Variants in CHUK observed in about 807,000 individuals in gnomAD.
CHUK encodes inhibitor of nuclear factor kappa-B kinase subunit alpha.
Under a neutral mutation model 104.8 loss-of-function variants are expected in CHUK, and 35 were observed. That is an observed-to-expected ratio of 0.33 (90% CI 0.26 to 0.44). CHUK has a LOEUF of 0.44. CHUK is among the 20% of genes least tolerant of loss of function. The pLI is 1.00. For missense variants in CHUK, 663 were observed against 902.7 expected (o/e 0.73, Z 3.40); for synonymous variants, 276 against 291.9 (o/e 0.95, Z 0.56).
At chr10:100,202,064 A>G in intron 14 of CHUK, 24 bp downstream of exon 14, 2 of 1,543,266 alleles carry the variant, frequency 1.3e-6, no homozygotes, top group Non-Finnish European at 1.8e-6. Flanking sequence ...TAATAAGTAT[A>G]CAGAATGACG....
At chr10:100,187,124 T>A (rs1845048182), downstream of CHUK, 1 of 152,402 alleles carries the variant, frequency 6.6e-6, no homozygotes, top group African/African-American at 2.4e-5. Flanking sequence ...CAGGCCACTG[T>A]CTGGTTCCGG....
rs17880060 is a variant in CHUK, at chr10:100,189,674, T to G, written c.2209-47A>C. 23,027 of 1,353,546 alleles carry G rather than the reference T, an allele frequency of 0.017. 1,195 individuals are homozygous for G. Among genetic ancestry groups the G allele is most frequent in the African/African-American group, 0.16 (11,125 of 70,402 alleles). The allele number at this position is 1,353,546 out of a possible 1,614,324, so 83.8% of individuals were successfully genotyped here. ...TTACAATTAGATGTTGACTATAAGT[T>G]ATAAGTATATGGGTGTTCATTTTTG... On this transcript the variant is annotated intron_variant, in intron 20 of 20. Coordinates refer to ENST00000370397, the MANE Select transcript of CHUK (RefSeq NM_001278.5).
chr10:100,189,647 A>G lies in CHUK; in HGVS notation c.2209-20T>C, dbSNP rs1199925923. On this transcript the variant is annotated intron_variant, in intron 20 of 20. Transcript: ENST00000370397. ...AAGATTCTAAAACCAGGCATGAAAAAGTTACAATTAGATGTTGACTATAAG... is the reference window on the plus strand; with the variant it reads ...AAGATTCTAAAACCAGGCATGAAAAGGTTACAATTAGATGTTGACTATAAG... The G allele has an allele frequency of 1.3e-6, 2 of 1,595,306 alleles. No homozygotes were observed. The highest frequency in any genetic ancestry group is 1.3e-5 in the African/African-American group (1 of 74,676).
Position 100,200,038 on chromosome 10 carries a change from C to A in CHUK, c.1680-18G>T. The A allele has an allele frequency of 6.3e-7, 1 of 1,591,384 alleles. No homozygotes were observed. The highest frequency in any genetic ancestry group is 8.6e-7 in the Non-Finnish European group (1 of 1,159,430). ...GCTGTTCCCTATAAAAGAGAAAACA[C>A]GCTCTGATAAGTGAAGGTAATTTAA... On this transcript the variant is annotated intron_variant, in intron 15 of 20. Coordinates refer to ENST00000370397, the MANE Select transcript of CHUK (RefSeq NM_001278.5).
intron 1 of CHUK, among the ~76,000 whole-genome samples, chr10:100,229,220 C>T (rs549171957): frequency 9.6e-4 from 146 of 152,270 alleles, no homozygotes; most frequent in African/African-American, 3.1e-3. Flanking sequence ...CGCAACAGCT[C>T]TATCTATGCC....
intron 16 of CHUK, among the ~76,000 whole-genome samples, chr10:100,197,622 C>T (rs993067547): frequency 6.6e-6 from 1 of 152,190 alleles, no homozygotes; most frequent in African/African-American, 2.4e-5. Flanking sequence ...CGTTTTCTCT[C>T]TCTCCTATAT....
chr10:100,210,082 TATTTA>T (rs1305190165), intron 9 of CHUK, among the ~76,000 whole-genome samples: 10 of 135,954 alleles, frequency 7.4e-5, no homozygotes, highest in African/African-American at 9.8e-5. Context: ...TTTATTTATT[TATTTA>T]TTTATTTTTT....
chr10:100,223,665 G>A (rs1461326390), intron 2 of CHUK, among the ~76,000 whole-genome samples: 1 of 151,962 alleles, frequency 6.6e-6, no homozygotes, highest in Non-Finnish European at 1.5e-5. Context: ...TGTACATGTA[G>A]GACCTGATAA....
chr10:100,218,939 GAA>G, intron 7 of CHUK, 67 bp downstream of exon 7: 1 of 1,550,690 alleles, frequency 6.4e-7, no homozygotes, highest in Non-Finnish European at 8.9e-7. Flanking sequence ...ATTAAAGAAA[GAA>G]AAAAAAAGAC....
At chr10:100,211,335 AC>A (rs1468770223) in intron 9 of CHUK, among the ~76,000 whole-genome samples, 2 of 152,208 alleles carry the variant, frequency 1.3e-5, no homozygotes, top group Non-Finnish European at 2.9e-5. Context: ...GAGTTATACA[AC>A]TTGATGTTTT....
At chr10:100,217,877 A>AAAAT (rs1328319051) in intron 9 of CHUK, 118 bp downstream of exon 9, 23 of 1,135,362 alleles carry the variant, frequency 2.0e-5, no homozygotes, top group Middle Eastern at 2.4e-4. Flanking sequence ...ACCCTGTCTC[A>AAAAT]AAATAAATAA....
Position 100,193,995 on chromosome 10 carries a change from T to C in CHUK, c.1963A>G (p.Lys655Glu). ...KRQKEIWHLL[K>E]IACTQSSARS... ...TAATAATTACTTACACAGGCAATTT[T>C]AAGGAGATGCCATATTTCTTTCTGC... The change falls in exon 18 of 21, where the codon AAA (lysine) becomes GAA (glutamate). Residue 655 changes from lysine to glutamate, a missense_variant. By Grantham distance (56) the Lys-to-Glu change is moderately conservative. This residue lies in a region of CHUK where 311 missense variants were observed against 393.4 expected (regional missense o/e 0.79). Transcript: ENST00000370397. The C allele has an allele frequency of 6.2e-7, 1 of 1,613,400 alleles. No homozygotes were observed. The highest frequency in any genetic ancestry group is 1.1e-5 in the South Asian group (1 of 91,072).
chr10:100,188,223 T>C (rs369497111), downstream of CHUK: 5 of 152,498 alleles, frequency 3.3e-5, no homozygotes, highest in African/African-American at 1.2e-4. Flanking sequence ...CAATACTACC[T>C]TTACCATAAG....
chr10:100,193,454 C>T (rs1377549065), intron 18 of CHUK, 23 bp from the exon 19 acceptor site: 1 of 1,613,720 alleles, frequency 6.2e-7, no homozygotes, highest in African/African-American at 1.3e-5. Context: ...AAAAAAACAT[C>T]AAAAGATTAC....
At chr10:100,218,892 A>G in intron 7 of CHUK, 67 bp from the exon 8 acceptor site, 1 of 1,517,632 alleles carries the variant, frequency 6.6e-7, no homozygotes, top group Non-Finnish European at 9.1e-7. Context: ...TTGCCATTTA[A>G]TTATATTTAA....
chr10:100,214,863 G>A (rs981414307), intron 9 of CHUK, among the ~76,000 whole-genome samples: 1 of 152,200 alleles, frequency 6.6e-6, no homozygotes, highest in Non-Finnish European at 1.5e-5. Context: ...GAAAGGAAGA[G>A]TCAACACATC....
At chr10:100,207,080 T>C (rs1304780215) in intron 11 of CHUK, 150 bp downstream of exon 11, 2 of 624,266 alleles carry the variant, frequency 3.2e-6, no homozygotes, top group African/African-American at 3.7e-5. Flanking sequence ...TATAAATCCA[T>C]TTTTCAGAGT....
At chr10:100,195,691 A>G (rs1845309073) in intron 16 of CHUK, 2 of 152,148 alleles carry the variant, frequency 1.3e-5, no homozygotes, top group Admixed American at 1.3e-4. Context: ...ATTCAAGTCA[A>G]CTCTAAGCTA....
chr10:100,218,228 T>C, intron 8 of CHUK, 98 bp from the exon 9 acceptor site: 2 of 1,056,696 alleles, frequency 1.9e-6, no homozygotes, highest in South Asian at 2.6e-5. Context: ...CCATTTTCTT[T>C]CCCACATCAC....
Sources: allele counts gnomAD v4.1 joint callset (sites outside exome capture counted in the v4.1 genomes callset), GRCh38; gene constraint gnomAD v4.1.1; regional missense constraint gnomAD v4.1.1; transcripts MANE v1.5; gene names NCBI Gene and HGNC (gene_info 2026-07-23, HGNC 2026-07-21).